Variants in OPCML observed in about 807,000 individuals in gnomAD.
The protein encoded by OPCML is opioid-binding protein/cell adhesion molecule.
In OPCML, 13 loss-of-function variants were observed where a neutral mutation model predicts 37.8. The ratio of observed to expected loss-of-function variants is 0.34; its 90% CI spans 0.22 to 0.55. The LOEUF is 0.55. Among genes scored for constraint, OPCML ranks in the 20% least tolerant of loss-of-function variants. The pLI, the probability that OPCML is intolerant of heterozygous loss-of-function variation, is 0.91. For missense variants in OPCML, 341 were observed against 435.6 expected (o/e 0.78, Z 1.93); for synonymous variants, 176 against 168.8 (o/e 1.04, Z -0.33).
chr11:132,887,770 G>A (rs981151389), intron 2 of OPCML, among the ~76,000 whole-genome samples: 6 of 152,190 alleles, frequency 3.9e-5, no homozygotes, highest in African/African-American at 9.7e-5. Flanking sequence ...ATAAGGGATC[G>A]GCAGATTCAC....
At chr11:133,357,099 T>A (rs757355844) in intron 1 of OPCML, among the ~76,000 whole-genome samples, 7 of 152,218 alleles carry the variant, frequency 4.6e-5, no homozygotes, top group Admixed American at 4.6e-4. Flanking sequence ...CTTCTCGCAG[T>A]GCTCCTAGAA....
intron 4 of OPCML, among the ~76,000 whole-genome samples, chr11:132,461,100 A>T (rs2096100094): frequency 6.6e-6 from 1 of 152,160 alleles, no homozygotes; most frequent in South Asian, 2.1e-4. Flanking sequence ...AGGTTCTGAA[A>T]AAGTGAAATA....
chr11:133,226,221 C>T (rs995782734), intron 1 of OPCML, among the ~76,000 whole-genome samples: 1 of 152,402 alleles, frequency 6.6e-6, no homozygotes, highest in African/African-American at 2.4e-5. Context: ...CTCCACTCCC[C>T]CTCCTGCCCC....
intron 2 of OPCML, among the ~76,000 whole-genome samples, chr11:132,865,672 G>GTCTT (rs1942509212): frequency 6.6e-6 from 1 of 152,146 alleles, no homozygotes; most frequent in African/African-American, 2.4e-5. Flanking sequence ...AACAGACTGG[G>GTCTT]GGAGTCGCCA....
intron 1 of OPCML, among the ~76,000 whole-genome samples, chr11:133,228,762 G>T (rs1316039733): frequency 1.3e-5 from 2 of 152,258 alleles, no homozygotes; most frequent in African/African-American, 4.8e-5. Context: ...CATGAAAAAT[G>T]ATTGCACCGC....
At chr11:133,473,317 G>A (rs991928921) in intron 1 of OPCML, among the ~76,000 whole-genome samples, 3 of 152,176 alleles carry the variant, frequency 2.0e-5, no homozygotes, top group Non-Finnish European at 4.4e-5. Context: ...AACACATTGT[G>A]TCTGATAAAA....
rs1407362756 is a variant in OPCML, at chr11:132,437,273, A to G, written c.592T>C (p.Leu198=). The part of the protein sequence containing the change: ...DQSGEYECSA[L]NDVAAPDVRK... ...ACATCGGGCGCAGCGACATCGTTCA[A>G]CGCGCTGCATTCGTACTCCCCGGAC... The change falls in exon 5 of 8, where the codon TTG becomes CTG. Residue 198 remains leucine (L), a synonymous_variant. Coordinates refer to ENST00000524381, the MANE Select transcript of OPCML (RefSeq NM_001012393.5). 3 of 1,614,064 alleles carry G rather than the reference A, an allele frequency of 1.9e-6. No homozygotes were observed. The highest frequency in any genetic ancestry group is 2.5e-6 in the Non-Finnish European group (3 of 1,180,036).
intron 1 of OPCML, among the ~76,000 whole-genome samples, chr11:133,291,656 A>G (rs906028237): frequency 6.6e-6 from 1 of 152,206 alleles, no homozygotes; most frequent in African/African-American, 2.4e-5. Context: ...GCAAACGGTG[A>G]GATCACACAG....
intron 1 of OPCML, among the ~76,000 whole-genome samples, chr11:132,993,147 CTA>C (rs1946812352): frequency 6.6e-6 from 1 of 152,174 alleles, no homozygotes; most frequent in Admixed American, 6.5e-5. Flanking sequence ...AGCAATATAA[CTA>C]TGTCATCCTT....
At chr11:132,535,024 A>G (rs188157888) in intron 3 of OPCML, among the ~76,000 whole-genome samples, 1 of 148,696 alleles carries the variant, frequency 6.7e-6, no homozygotes, top group African/African-American at 2.4e-5. Flanking sequence ...ATATATATAT[A>G]TTTAAATACA....
intron 1 of OPCML, among the ~76,000 whole-genome samples, chr11:132,957,781 T>C (rs1004185301): frequency 1.3e-5 from 2 of 152,206 alleles, no homozygotes; most frequent in East Asian, 3.9e-4. Context: ...TTAATTGTTT[T>C]GGGGCAGCAC....
intron 2 of OPCML, among the ~76,000 whole-genome samples, chr11:132,894,557 A>G (rs748444352): frequency 2.0e-5 from 3 of 152,226 alleles, no homozygotes; most frequent in Non-Finnish European, 4.4e-5. Flanking sequence ...GAGTACCTAC[A>G]GAACTGGAAA....
chr11:132,488,686 T>G (rs2096207325), intron 4 of OPCML, among the ~76,000 whole-genome samples: 1 of 152,226 alleles, frequency 6.6e-6, no homozygotes, highest in Non-Finnish European at 1.5e-5. Context: ...CATACATTAG[T>G]CTTATCTTAC....
intron 1 of OPCML, among the ~76,000 whole-genome samples, chr11:133,386,181 A>C (rs2136795302): frequency 6.6e-6 from 1 of 152,344 alleles, no homozygotes; most frequent in Non-Finnish European, 1.5e-5. Flanking sequence ...AATAAATTTA[A>C]TGTAATTCCT....
chr11:132,666,424 C>A (rs1591697580), intron 2 of OPCML, among the ~76,000 whole-genome samples: 1 of 151,492 alleles, frequency 6.6e-6, no homozygotes. Context: ...CCATATCATT[C>A]ATGAGGAATC....
chr11:132,715,261 A>C (rs1447098391), intron 2 of OPCML, among the ~76,000 whole-genome samples: 2 of 152,246 alleles, frequency 1.3e-5, no homozygotes, highest in Non-Finnish European at 2.9e-5. Flanking sequence ...ACACAGACTT[A>C]CTAAGCATCT....
chr11:133,507,499 G>A (rs1277155025), intron 1 of OPCML, among the ~76,000 whole-genome samples: 1 of 152,202 alleles, frequency 6.6e-6, no homozygotes, highest in Non-Finnish European at 1.5e-5. Flanking sequence ...CAAGAACAGA[G>A]TTGAGGGGAG....
At chr11:133,072,242 T>C (rs540529051) in intron 1 of OPCML, among the ~76,000 whole-genome samples, 2 of 152,286 alleles carry the variant, frequency 1.3e-5, no homozygotes, top group South Asian at 4.1e-4. Flanking sequence ...CTAAATTGCA[T>C]GTTTCAAAAT....
At chr11:132,543,546 C>CA (rs993406621) in intron 3 of OPCML, among the ~76,000 whole-genome samples, 8 of 151,684 alleles carry the variant, frequency 5.3e-5, no homozygotes, top group Admixed American at 1.3e-4. Flanking sequence ...AAAATAAAAA[C>CA]AAAAAAATAG....
Sources: gnomAD v4.1 joint callset for allele counts (sites outside exome capture counted in the v4.1 genomes callset) on GRCh38, gnomAD v4.1.1 for gene constraint, MANE v1.5 for transcripts, NCBI Gene and HGNC (gene_info 2026-07-23, HGNC 2026-07-21) for gene names.